GPR149: variants seen among roughly 807,000 people sequenced by gnomAD.
The protein encoded by GPR149 is G protein-coupled receptor 149, also known as probable G protein-coupled receptor 149.
In GPR149, 50 loss-of-function variants were observed where a neutral mutation model predicts 50.2. The observed-to-expected ratio is 1.00, with a 90% CI of 0.79 to 1.26. GPR149 has a LOEUF of 1.26. Among genes scored for constraint, GPR149 ranks in the 50% most tolerant of loss-of-function variants. The pLI, the probability that GPR149 is intolerant of heterozygous loss-of-function variation, is 0.00. For synonymous variants in GPR149, 405 were observed against 358.2 expected, an observed-to-expected ratio of 1.13 and a Z score of -1.48; for missense variants, 983 against 895.4, an observed-to-expected ratio of 1.10 and a Z score of -1.25.
At chr3:154,421,613 A>G (rs925176974) in intron 2 of GPR149, 126 bp from the exon 3 acceptor site, 16 of 520,890 alleles carry the variant, frequency 3.1e-5, no homozygotes, top group Non-Finnish European at 4.2e-5. Flanking sequence ...AACTATCTTC[A>G]TTTACTTTTT....
chr3:154,400,147 C>T (rs1479860842), intron 3 of GPR149, among the ~76,000 whole-genome samples: 11 of 151,918 alleles, frequency 7.2e-5, no homozygotes, highest in Non-Finnish European at 1.3e-4. Flanking sequence ...CCACTGCGCC[C>T]GGCTAATTTT....
chr3:154,375,033 C>A (rs981177695), intron 3 of GPR149, among the ~76,000 whole-genome samples: 2 of 152,162 alleles, frequency 1.3e-5, no homozygotes, highest in African/African-American at 4.8e-5. Flanking sequence ...ATTTCATATG[C>A]TCCTTAAGAA....
rs771190143 is a variant in GPR149 at position 154,428,829 on chromosome 3, G to T, written c.787C>A (p.Arg263Ser). The change falls in exon 1 of 4, where the codon CGC becomes AGC. Residue 263 changes from arginine (R) to serine (S), a missense_variant. Arg to Ser is a moderately radical substitution (Grantham distance 110). Transcript: ENST00000389740. ...GAGCTCGGAGAGCATCCCCCAGAGC[G>T]CCGCAGACTCGGGCCTGGAGCATCC... ...PEDAPGPSLR[R>S]SGGCSPSSDT... 3.1e-6 allele frequency: 5 copies of T among 1,613,644 alleles called. No homozygotes were observed. The Admixed American group carries it at 8.3e-5, about 27-fold the overall frequency.
chr3:154,376,241 T>C (rs1313991920), intron 3 of GPR149, among the ~76,000 whole-genome samples: 1 of 152,258 alleles, frequency 6.6e-6, no homozygotes, highest in Non-Finnish European at 1.5e-5. Context: ...AATTCAATCT[T>C]TAGTTGCTGG....
intron 3 of GPR149, among the ~76,000 whole-genome samples, chr3:154,369,358 G>A (rs1714608774): frequency 6.6e-6 from 1 of 152,204 alleles, no homozygotes; most frequent in Non-Finnish European, 1.5e-5. Context: ...GATCTTTTCT[G>A]TAAACAGAAA....
intron 3 of GPR149, among the ~76,000 whole-genome samples, chr3:154,415,810 CT>C (rs1468650438): frequency 1.3e-5 from 2 of 151,802 alleles, no homozygotes; most frequent in Non-Finnish European, 2.9e-5. Context: ...AAAGTTTGTA[CT>C]TTTAAAAAAC....
At chr3:154,363,911 A>G (rs962860250) in intron 3 of GPR149, among the ~76,000 whole-genome samples, 1 of 152,056 alleles carries the variant, frequency 6.6e-6, no homozygotes, top group African/African-American at 2.4e-5. Flanking sequence ...ACTCTGCCTT[A>G]CTCACTCTCC....
chr3:154,369,132 C>T (rs972221072), intron 3 of GPR149, among the ~76,000 whole-genome samples: 1 of 152,190 alleles, frequency 6.6e-6, no homozygotes, highest in Non-Finnish European at 1.5e-5. Context: ...CCAAGACTAA[C>T]CACGGGTGTG....
Position 154,336,789 on chromosome 3 carries a change from T to C in GPR149, c.*910A>G, listed in dbSNP as rs556216204. 3 of 152,228 alleles carry C rather than the reference T, an allele frequency of 2.0e-5. No homozygotes were observed. Among genetic ancestry groups the C allele is most frequent in the East Asian group, 3.9e-4 (2 of 5,182 alleles). 9.4% of individuals were successfully genotyped at this position (152,228 alleles called of 1,614,324 possible). On this transcript the variant is annotated 3_prime_UTR_variant, in exon 4 of 4. Coordinates refer to ENST00000389740, the MANE Select transcript of GPR149 (RefSeq NM_001038705.3). ...CCCAATCCTCAGCTTTAAAAACAGA[T>C]ACTTTTGTTTTAGACTTAGAGGATT...
intron 3 of GPR149, among the ~76,000 whole-genome samples, chr3:154,388,299 T>C (rs1315330624): frequency 6.6e-6 from 1 of 152,056 alleles, no homozygotes; most frequent in Non-Finnish European, 1.5e-5. Context: ...CATATATATA[T>C]ACACATATAT....
chr3:154,402,072 A>G (rs1711562924), intron 3 of GPR149, among the ~76,000 whole-genome samples: 2 of 152,296 alleles, frequency 1.3e-5, no homozygotes, highest in South Asian at 4.1e-4. Context: ...AGTATTTGTG[A>G]ATATTAAGAA....
intron 3 of GPR149, among the ~76,000 whole-genome samples, chr3:154,356,310 G>T (rs931904387): frequency 3.3e-5 from 5 of 152,022 alleles, no homozygotes; most frequent in African/African-American, 1.2e-4. Flanking sequence ...CACTGAATTT[G>T]AATGTGGAAG....
At chr3:154,377,045 TAAA>T (rs34219325) in intron 3 of GPR149, among the ~76,000 whole-genome samples, 15 of 128,470 alleles carry the variant, frequency 1.2e-4, no homozygotes, top group East Asian at 2.1e-4. Context: ...AGCCCTGAAT[TAAA>T]AAAAAAAAAA....
At chr3:154,372,358 C>T (rs575728169) in intron 3 of GPR149, among the ~76,000 whole-genome samples, 2 of 152,226 alleles carry the variant, frequency 1.3e-5, no homozygotes, top group East Asian at 3.9e-4. Flanking sequence ...CCTGTGTCCT[C>T]GCTCCCTCTC....
At chr3:154,375,035 C>T (rs527443719) in intron 3 of GPR149, among the ~76,000 whole-genome samples, 19 of 152,258 alleles carry the variant, frequency 1.2e-4, no homozygotes, top group Admixed American at 8.5e-4. Flanking sequence ...TTCATATGCT[C>T]CTTAAGAAAT....
At chr3:154,403,350 TG>T (rs1711595157) in intron 3 of GPR149, among the ~76,000 whole-genome samples, 1 of 152,112 alleles carries the variant, frequency 6.6e-6, no homozygotes, top group South Asian at 2.1e-4. Flanking sequence ...AGATGACAAA[TG>T]TACAATATGG....
chr3:154,364,109 G>T (rs577658363), intron 3 of GPR149, among the ~76,000 whole-genome samples: 1 of 152,258 alleles, frequency 6.6e-6, no homozygotes, highest in South Asian at 2.1e-4. Context: ...ACTAACCAAG[G>T]TATGGGAGTG....
At chr3:154,416,246 C>T (rs2108426672) in intron 3 of GPR149, among the ~76,000 whole-genome samples, 1 of 151,928 alleles carries the variant, frequency 6.6e-6, no homozygotes, top group Non-Finnish European at 1.5e-5. Flanking sequence ...AACTCATGCG[C>T]ATTCTCTAGC....
intron 3 of GPR149, among the ~76,000 whole-genome samples, chr3:154,374,809 T>C (rs575533396): frequency 6.6e-6 from 1 of 152,236 alleles, no homozygotes. Flanking sequence ...CAGCCTTTGG[T>C]CCTCAGAGAA....
Sources: gnomAD v4.1 joint callset for allele counts (sites outside exome capture counted in the v4.1 genomes callset) on GRCh38, gnomAD v4.1.1 for gene constraint, MANE v1.5 for transcripts, NCBI Gene and HGNC (gene_info 2026-07-23, HGNC 2026-07-21) for gene names.